The following LYPD6 variants were observed in gnomAD, a reference collection of about 807,000 sequenced individuals.
LYPD6 encodes ly6/PLAUR domain-containing protein 6.
A neutral mutation model predicts 22.7 loss-of-function variants in LYPD6; 15 were observed. That is an observed-to-expected ratio of 0.66 (90% CI 0.44 to 1.02). The LOEUF (loss-of-function observed/expected upper bound fraction) is 1.02. Ranked by LOEUF, LYPD6 falls within the 50% of genes least tolerant of loss-of-function variation. The pLI, the probability that LYPD6 is intolerant of heterozygous loss-of-function variation, is 0.00. For missense variants in LYPD6, 189 were observed against 208.4 expected, an observed-to-expected ratio of 0.91 and a Z score of 0.57; for synonymous variants, 72 against 77.5, an observed-to-expected ratio of 0.93 and a Z score of 0.37.
rs148880896 is a variant in LYPD6 at position 149,420,802 on chromosome 2, T to G, written c.-71-16836T>G. 4.5e-3 allele frequency among the ~76,000 whole-genome samples: 681 copies of G among 152,282 alleles called. 7 individuals carry two copies. The highest frequency in any genetic ancestry group is 0.016 in the African/African-American group (647 of 41,574). On this transcript the variant is annotated intron_variant, in intron 1 of 4. Coordinates refer to ENST00000334166, the MANE Select transcript of LYPD6 (RefSeq NM_194317.5). ...ATTATGCGGGACTGCTAAGAGCCCC[T>G]TAACTGAGCCGTGTGGAGAACTTCT...
At chr2:149,476,461 A>T (rs1190311878), downstream of LYPD6, among the ~76,000 whole-genome samples, 2 of 152,170 alleles carry the variant, frequency 1.3e-5, no homozygotes. Context: ...CCATGTCAGA[A>T]ACTGGCCTCC....
chr2:149,392,179 G>C (rs185756418), intron 1 of LYPD6, among the ~76,000 whole-genome samples: 44 of 152,218 alleles, frequency 2.9e-4, no homozygotes, highest in Admixed American at 3.3e-4. Flanking sequence ...CTCATCATGA[G>C]AGTCCTACTC....
intron 2 of LYPD6, among the ~76,000 whole-genome samples, chr2:149,446,670 C>T (rs568495977): frequency 6.6e-6 from 1 of 152,246 alleles, no homozygotes; most frequent in South Asian, 2.1e-4. Context: ...CTTTTTCTAT[C>T]ATTCTGTTTA....
At chr2:149,364,240 A>G (rs1681620464) in intron 1 of LYPD6, among the ~76,000 whole-genome samples, 1 of 152,182 alleles carries the variant, frequency 6.6e-6, no homozygotes. Context: ...AAAGAAAGCC[A>G]GTGAAATACA....
At chr2:149,465,628 C>T (rs1681183072) in intron 3 of LYPD6, among the ~76,000 whole-genome samples, 1 of 152,080 alleles carries the variant, frequency 6.6e-6, no homozygotes, top group Admixed American at 6.6e-5. Context: ...TTCAAATCAT[C>T]TTATGTATGT....
rs1180044874 is a variant in LYPD6, at chr2:149,442,645, A to T, written c.118+4819A>T. 1.9e-4 allele frequency among the ~76,000 whole-genome samples: 14 copies of T among 73,302 alleles called. No individual in the cohort carries two copies. In the East Asian group the frequency reaches 3.8e-3, roughly 20 times the overall value. 48.1% of individuals were successfully genotyped at this position (73,302 alleles called of 152,430 possible). A position where few individuals can be genotyped will look rare whatever the true frequency, so the allele number is the denominator to read the frequency against. ...TCTTAGGAACCTCTTTCCGTCCTTT[A>T]AAAAAAAAAAAAAAACCTCTTTATC... On this transcript the variant is annotated intron_variant, in intron 2 of 4. Transcript: ENST00000334166.
rs1681334318 is a variant in LYPD6, at chr2:149,471,535, A to G, written c.*685A>G. The G allele has an allele frequency of 6.6e-6, 1 of 152,212 alleles. No individual in the cohort carries two copies. Among genetic ancestry groups the G allele is most frequent in the Non-Finnish European group, 1.5e-5 (1 of 68,044 alleles). The allele number at this position is 152,212 out of a possible 1,614,324, so 9.4% of individuals were successfully genotyped here. On this transcript the variant is annotated 3_prime_UTR_variant, in exon 5 of 5. Coordinates refer to ENST00000334166, the MANE Select transcript of LYPD6 (RefSeq NM_194317.5). ...GGATTTTCCTCAACTTAATGGAGCC[A>G]CTGTCCATAAAGTGGCTGTTATCCC...
At chr2:149,481,219 A>G in the LYPD6 span, among the ~76,000 whole-genome samples, 29 of 152,348 alleles carry the variant, frequency 1.9e-4, no homozygotes, top group African/African-American at 5.3e-4. Flanking sequence ...ATCTCAAGGC[A>G]TCACAGCTAG....
At chr2:149,405,158 G>A (rs893639264) in intron 1 of LYPD6, among the ~76,000 whole-genome samples, 2 of 151,974 alleles carry the variant, frequency 1.3e-5, no homozygotes, top group Non-Finnish European at 2.9e-5. Context: ...GAGGATTTTT[G>A]CATCAATGTT....
At chr2:149,401,577 C>A (rs1682556447) in intron 1 of LYPD6, among the ~76,000 whole-genome samples, 1 of 152,174 alleles carries the variant, frequency 6.6e-6, no homozygotes, top group Admixed American at 6.5e-5. Flanking sequence ...TCTTTTTCCA[C>A]ATACACATTT....
At chr2:149,432,848 C>CAT (rs1683347562) in intron 1 of LYPD6, among the ~76,000 whole-genome samples, 2 of 152,234 alleles carry the variant, frequency 1.3e-5, no homozygotes, top group African/African-American at 4.8e-5. Context: ...GAAGACATGA[C>CAT]TATTTTGAGG....
At chr2:149,338,647 C>G (rs1681103053) in intron 1 of LYPD6, among the ~76,000 whole-genome samples, 1 of 152,124 alleles carries the variant, frequency 6.6e-6, no homozygotes, top group Admixed American at 6.5e-5. Context: ...GTATTGTCAT[C>G]TTGGACTTCT....
At position 149,454,853 on chromosome 2, in the gene LYPD6, C is replaced by T. The variant is rs7604213; in HGVS notation, c.217+5706C>T. On this transcript the variant is annotated intron_variant, in intron 3 of 4. Coordinates refer to ENST00000334166, the MANE Select transcript of LYPD6 (RefSeq NM_194317.5). ...AATTCTATGTGGAGACCATCAGTCTCGCTTCTCTGAACCTCATTTCTCCTG... is the reference window on the plus strand; with the variant it reads ...AATTCTATGTGGAGACCATCAGTCTTGCTTCTCTGAACCTCATTTCTCCTG... Among the ~76,000 whole-genome samples the T allele has an allele frequency of 7.6e-3, 1,161 of 152,262 alleles. 14 individuals carry two copies. Among genetic ancestry groups the T allele is most frequent in the African/African-American group, 0.026 (1,082 of 41,560 alleles).
intron 1 of LYPD6, among the ~76,000 whole-genome samples, chr2:149,389,375 A>G (rs16826934): frequency 0.051 from 7,710 of 152,166 alleles, 631 homozygotes; most frequent in African/African-American, 0.17. Context: ...AGACACCTGA[A>G]GAGATTAAAA....
the LYPD6 span, among the ~76,000 whole-genome samples, chr2:149,484,889 A>G: frequency 6.6e-6 from 1 of 152,162 alleles, no homozygotes; most frequent in Admixed American, 6.5e-5. Context: ...TATCTTTAGT[A>G]CTGCCCATGC....
At chr2:149,421,803 G>A (rs888433493) in intron 1 of LYPD6, among the ~76,000 whole-genome samples, 1 of 151,938 alleles carries the variant, frequency 6.6e-6, no homozygotes, top group African/African-American at 2.4e-5. Flanking sequence ...ATTAGTTAAC[G>A]GAATGGGTGA....
chr2:149,379,733 C>G (rs548602083), intron 1 of LYPD6, among the ~76,000 whole-genome samples: 1 of 152,292 alleles, frequency 6.6e-6, no homozygotes, highest in East Asian at 1.9e-4. Context: ...CAGCTAATAG[C>G]TGTAATTCCA....
intron 4 of LYPD6, 24 bp from the exon 5 acceptor site, chr2:149,470,659 T>C: frequency 3.7e-6 from 6 of 1,602,060 alleles, no homozygotes; most frequent in Non-Finnish European, 5.1e-6. Flanking sequence ...CTTCTCATTA[T>C]CTTTTTTTCT....
intron 1 of LYPD6, among the ~76,000 whole-genome samples, chr2:149,349,066 G>GA (rs1681313388): frequency 6.6e-6 from 1 of 152,050 alleles, no homozygotes; most frequent in Non-Finnish European, 1.5e-5. Flanking sequence ...TAACAGATTT[G>GA]GAAGAGGATC....
Sources: allele counts gnomAD v4.1 joint callset (sites outside exome capture counted in the v4.1 genomes callset), GRCh38; gene constraint gnomAD v4.1.1; transcripts MANE v1.5; gene names NCBI Gene and HGNC (gene_info 2026-07-23, HGNC 2026-07-21).